DNAH14: variants seen among roughly 807,000 people sequenced by gnomAD.
DNAH14 encodes axonemal beta dynein heavy chain 14.
Under a neutral mutation model 520.9 loss-of-function variants are expected in DNAH14, and 478 were observed. The observed-to-expected ratio is 0.92, with a 90% CI of 0.85 to 0.99. The LOEUF is 0.99. DNAH14 is among the 50% of genes least tolerant of loss of function. The probability of loss-of-function intolerance (pLI) is 0.00; values close to 1 mark genes in which losing one functional copy is unlikely to be tolerated. For missense variants in DNAH14, 4,831 were observed against 5,234.5 expected (o/e 0.92, Z 2.38); for synonymous variants, 1,581 against 1,757.2 (o/e 0.90, Z 2.51).
intron 27 of DNAH14, among the ~76,000 whole-genome samples, chr1:225,130,660 G>A (rs2078302572): frequency 8.4e-6 from 1 of 118,980 alleles, no homozygotes; most frequent in African/African-American, 3.3e-5. Flanking sequence ...TCACACTCTG[G>A]GGACTGTTGT....
intron 73 of DNAH14, chr1:225,354,194 C>T: frequency 1.4e-6 from 1 of 701,934 alleles, no homozygotes; most frequent in Non-Finnish European, 2.6e-6. Flanking sequence ...CTGCCTGCTT[C>T]TCCGTGCCAT....
intron 17 of DNAH14, among the ~76,000 whole-genome samples, chr1:225,052,059 CCT>C (rs1302779100): frequency 3.3e-5 from 5 of 152,088 alleles, no homozygotes; most frequent in Non-Finnish European, 5.9e-5. Context: ...TGCTTCTTTC[CCT>C]GTTTTATCTT....
chr1:224,975,834 G>A (rs1232308201), intron 8 of DNAH14, among the ~76,000 whole-genome samples: 1 of 151,442 alleles, frequency 6.6e-6, no homozygotes, highest in Non-Finnish European at 1.5e-5. Flanking sequence ...GTCAATTTTG[G>A]ATCTTTCCTG....
chr1:225,113,439 G>C (rs2086368), intron 23 of DNAH14, among the ~76,000 whole-genome samples: 11,090 of 152,234 alleles, frequency 0.073, 620 homozygotes, highest in East Asian at 0.23. Flanking sequence ...CCTGAAGCCA[G>C]CACTGACTGA....
At chr1:225,335,832 C>A (rs2094999003) in intron 66 of DNAH14, among the ~76,000 whole-genome samples, 1 of 99,864 alleles carries the variant, frequency 1.0e-5, no homozygotes, top group Non-Finnish European at 2.0e-5. Flanking sequence ...CACATATGTA[C>A]ATATATGTAC....
At chr1:225,161,824 CA>C (rs1196207980) in intron 35 of DNAH14, among the ~76,000 whole-genome samples, 2 of 152,148 alleles carry the variant, frequency 1.3e-5, no homozygotes, top group African/African-American at 4.8e-5. Flanking sequence ...AATGTCTATT[CA>C]AATCTTTTGT....
At chr1:225,269,725 A>C (rs1341747644) in intron 49 of DNAH14, among the ~76,000 whole-genome samples, 1 of 152,246 alleles carries the variant, frequency 6.6e-6, no homozygotes, top group Non-Finnish European at 1.5e-5. Flanking sequence ...GACACATGAA[A>C]AAATGCTCAT....
At chr1:225,198,741 T>G (rs1241585975) in intron 38 of DNAH14, among the ~76,000 whole-genome samples, 1 of 152,220 alleles carries the variant, frequency 6.6e-6, no homozygotes, top group Non-Finnish European at 1.5e-5. Context: ...TTCAGTTAGC[T>G]AGTATTTTGT....
In DNAH14 at chr1:225,082,624, T is replaced by G. The variant is rs2073275609; in HGVS notation, c.3212T>G (p.Ile1071Arg). 1.3e-6 allele frequency: 2 copies of G among 1,551,532 alleles called. No individual in the cohort carries two copies. The highest frequency in any genetic ancestry group is 1.7e-6 in the Non-Finnish European group (2 of 1,146,948). ...TTTAAACAAGAGCTGCCTATCATTA[T>G]AGCTCTGGGAAATCCCTGTCTCAAG... ...TEFKQELPII[I>R]ALGNPCLKPR... Residue 1071 changes from isoleucine (I) to arginine (R), a missense_variant, in exon 20 of 86, where the codon ATA becomes AGA. Physicochemically the swap from Ile to Arg is moderately conservative, Grantham distance 97 (BLOSUM62 -3). Transcript: ENST00000682510.
rs778829039 is a variant in DNAH14 at position 224,952,771 on chromosome 1, A to G, written c.69A>G (p.Thr23=). ...NQEMDKEETK[T]KPRLLRYEEK... is the part of the protein sequence containing the mutation. ...AGATGGACAAGGAGGAAACCAAGAC[A>G]AAACCAAGGTAAAAGTAAGATAAAA... Residue 23 remains threonine, a synonymous_variant, in exon 2 of 86, where the codon ACA becomes ACG. Transcript: ENST00000682510. The G allele has an allele frequency of 1.3e-6, 2 of 1,596,730 alleles. No individual in the cohort carries two copies. Among genetic ancestry groups the G allele is most frequent in the African/African-American group, 2.7e-5 (2 of 74,236 alleles).
At chr1:225,033,475 C>CTG (rs2066699087) in intron 11 of DNAH14, among the ~76,000 whole-genome samples, 1 of 152,134 alleles carries the variant, frequency 6.6e-6, no homozygotes, top group Non-Finnish European at 1.5e-5. Context: ...CTTTTGGTCA[C>CTG]TGTAGCCTTG....
chr1:225,353,960 A>AAAATT, intron 73 of DNAH14, 72 bp downstream of exon 73: 1 of 899,910 alleles, frequency 1.1e-6, no homozygotes, highest in Non-Finnish European at 1.7e-6. Context: ...TAAACCCTTC[A>AAAATT]AAATTAAAAT....
At chr1:224,943,668 G>A (rs1406715330) in intron 1 of DNAH14, among the ~76,000 whole-genome samples, 2 of 152,080 alleles carry the variant, frequency 1.3e-5, no homozygotes, top group African/African-American at 4.8e-5. Flanking sequence ...TGCTTTGAGT[G>A]TGTCTCAGAG....
chr1:225,011,428 G>A (rs767208882), intron 10 of DNAH14, among the ~76,000 whole-genome samples: 4 of 152,122 alleles, frequency 2.6e-5, no homozygotes, highest in South Asian at 2.1e-4. Flanking sequence ...TTGGGGTGGA[G>A]TGTTGTGTAG....
At chr1:225,180,217 ACT>A (rs939470653) in intron 36 of DNAH14, among the ~76,000 whole-genome samples, 5 of 151,370 alleles carry the variant, frequency 3.3e-5, no homozygotes, top group Non-Finnish European at 7.4e-5. Flanking sequence ...TTTCTTTCTC[ACT>A]CTCTCTCGAA....
chr1:225,340,267 T>C (rs1223769315), intron 68 of DNAH14, among the ~76,000 whole-genome samples, 190 bp from the exon 69 acceptor site: 1 of 152,234 alleles, frequency 6.6e-6, no homozygotes, highest in African/African-American at 2.4e-5. Flanking sequence ...TCTGTGGTTG[T>C]ATTTTTTTAA....
At chr1:225,165,548 G>GTT (rs548760377) in intron 35 of DNAH14, among the ~76,000 whole-genome samples, 2,227 of 141,632 alleles carry the variant, frequency 0.016, 44 homozygotes, top group East Asian at 0.054. Flanking sequence ...TATAGATTTT[G>GTT]TTTTTTTTTT....
intron 8 of DNAH14, among the ~76,000 whole-genome samples, chr1:224,982,243 C>T (rs991893367): frequency 1.3e-5 from 2 of 152,166 alleles, no homozygotes; most frequent in African/African-American, 4.8e-5. Context: ...TAAGTAAATG[C>T]CTAGAGTGCA....
intron 43 of DNAH14, chr1:225,250,828 C>CTGGT (rs554871550): frequency 0.01 from 4,295 of 427,982 alleles, 35 homozygotes; most frequent in Non-Finnish European, 0.014. Context: ...CCCTGGCTAT[C>CTGGT]TGGTACCTGG....
Sources: gnomAD v4.1 joint callset for allele counts (sites outside exome capture counted in the v4.1 genomes callset) on GRCh38, gnomAD v4.1.1 for gene constraint, MANE v1.5 for transcripts, NCBI Gene and HGNC (gene_info 2026-07-23, HGNC 2026-07-21) for gene names.